DLGAP2: variants seen among roughly 807,000 people sequenced by gnomAD.
DLGAP2 encodes DLG associated protein 2.
Under a neutral mutation model 100.3 loss-of-function variants are expected in DLGAP2, and 26 were observed. The ratio of observed to expected loss-of-function variants is 0.26; its 90% CI spans 0.19 to 0.36. The LOEUF is 0.36. Among genes scored for constraint, DLGAP2 ranks in the 10% least tolerant of loss-of-function variants. The pLI, the probability that DLGAP2 is intolerant of heterozygous loss-of-function variation, is 1.00. For synonymous variants in DLGAP2, 886 were observed against 630.1 expected (o/e 1.41, Z -6.08); for missense variants, 1,858 against 1,453.2 (o/e 1.28, Z -4.53).
intron 3 of DLGAP2, among the ~76,000 whole-genome samples, chr8:1,413,289 T>G (rs1296147672): frequency 1.3e-5 from 2 of 152,120 alleles, no homozygotes; most frequent in Non-Finnish European, 2.9e-5. Flanking sequence ...GATAGAAGGA[T>G]GGGAAGCAGA....
At chr8:1,288,906 T>C (rs7460935) in intron 3 of DLGAP2, among the ~76,000 whole-genome samples, 120,794 of 152,138 alleles carry the variant, frequency 0.79, 48,324 homozygotes, top group African/African-American at 0.9. Context: ...GCTCGGCTTG[T>C]TTTGTAGAAA....
chr8:1,191,100 T>C (rs1797624397), intron 2 of DLGAP2, among the ~76,000 whole-genome samples: 1 of 152,144 alleles, frequency 6.6e-6, no homozygotes, highest in African/African-American at 2.4e-5. Context: ...TTTGATTTAT[T>C]TACGTGGGAT....
At chr8:1,180,741 CTGTG>C (rs988795631) in intron 2 of DLGAP2, among the ~76,000 whole-genome samples, 5 of 140,494 alleles carry the variant, frequency 3.6e-5, no homozygotes, top group South Asian at 2.4e-4. Context: ...ACCATTGAGT[CTGTG>C]TGGGTGTGCC....
At chr8:738,596 T>C (rs1444604950) in intron 1 of DLGAP2, 1 of 151,548 alleles carries the variant, frequency 6.6e-6, no homozygotes, top group Non-Finnish European at 1.5e-5. Flanking sequence ...GGAGAAATAA[T>C]GAGGATGTAA....
intron 1 of DLGAP2, among the ~76,000 whole-genome samples, chr8:881,318 A>T (rs1488451584): frequency 6.6e-6 from 1 of 152,178 alleles, no homozygotes; most frequent in Non-Finnish European, 1.5e-5. Flanking sequence ...AGTTTTATGT[A>T]GGACGTTTGC....
At position 1,457,851 on chromosome 8, in the gene DLGAP2, C is replaced by G. The variant is rs139597399; in HGVS notation, c.107-43515C>G. Among the ~76,000 whole-genome samples the G allele has an allele frequency of 2.7e-3, 411 of 151,694 alleles. 5 individuals are homozygous for G. The highest frequency in any genetic ancestry group is 9.4e-3 in the African/African-American group (389 of 41,364). On this transcript the variant is annotated intron_variant, in intron 3 of 14. Coordinates refer to ENST00000637795, the MANE Select transcript of DLGAP2 (RefSeq NM_001346810.2). ...CAGAGTCACGCAACTCACTACTTGT[C>G]ATTTTCTTTGTTAATTCTATTTTCA...
intron 6 of DLGAP2, among the ~76,000 whole-genome samples, chr8:1,615,472 A>G (rs1400881421): frequency 6.6e-6 from 1 of 152,136 alleles, no homozygotes; most frequent in African/African-American, 2.4e-5. Context: ...GCCTGAGAAG[A>G]CCCCGATGGT....
At chr8:1,388,244 G>C (rs1249261269) in intron 3 of DLGAP2, among the ~76,000 whole-genome samples, 1 of 125,936 alleles carries the variant, frequency 7.9e-6, no homozygotes, top group African/African-American at 3.1e-5. Flanking sequence ...AGGGCTGTAA[G>C]AGGCAGAGGC....
chr8:1,679,535 G>C (rs534758841), intron 12 of DLGAP2, among the ~76,000 whole-genome samples: 4 of 152,322 alleles, frequency 2.6e-5, no homozygotes, highest in Admixed American at 1.3e-4. Flanking sequence ...CTCCTGGGTG[G>C]AATGGGAGGG....
At chr8:1,562,598 C>G (rs1422997269) in intron 5 of DLGAP2, among the ~76,000 whole-genome samples, 1 of 45,958 alleles carries the variant, frequency 2.2e-5, no homozygotes, top group Non-Finnish European at 4.1e-5. Context: ...GTTGGGTGTC[C>G]GCGCCTCGTT....
At chr8:1,583,059 G>A (rs963023387) in intron 6 of DLGAP2, among the ~76,000 whole-genome samples, 9 of 152,278 alleles carry the variant, frequency 5.9e-5, no homozygotes, top group South Asian at 2.1e-4. Context: ...TGAATCTTAT[G>A]AAACAATGGA....
chr8:1,494,640 A>AT (rs1799491830), intron 3 of DLGAP2, among the ~76,000 whole-genome samples: 1 of 152,100 alleles, frequency 6.6e-6, no homozygotes, highest in Non-Finnish European at 1.5e-5. Context: ...AGGCAGGAGA[A>AT]TTGCTTGATC....
At chr8:1,558,567 C>G (rs1397510182) in intron 5 of DLGAP2, among the ~76,000 whole-genome samples, 1 of 151,974 alleles carries the variant, frequency 6.6e-6, no homozygotes, top group East Asian at 1.9e-4. Context: ...ATTACACATA[C>G]ACACACATAC....
chr8:936,375 G>A (rs1175638775), intron 2 of DLGAP2, among the ~76,000 whole-genome samples: 3 of 152,326 alleles, frequency 2.0e-5, no homozygotes, highest in African/African-American at 4.8e-5. Flanking sequence ...GATGTTTGCT[G>A]TTGAGTAGGA....
At position 1,606,124 on chromosome 8, in the gene DLGAP2, A is replaced by T. The variant is rs150546173; in HGVS notation, c.1443-20616A>T. On this transcript the variant is annotated intron_variant, in intron 6 of 14. Coordinates refer to ENST00000637795, the MANE Select transcript of DLGAP2 (RefSeq NM_001346810.2). ...CCTTCCTTGAGGCCCAAGAGAAAAG[A>T]CGAACTGAAGGTACCAGTGGGTTTT... Among the ~76,000 whole-genome samples the T allele has an allele frequency of 3.1e-3, 476 of 152,320 alleles. 5 individuals carry two copies. Among genetic ancestry groups the T allele is most frequent in the African/African-American group, 0.011 (445 of 41,572 alleles).
intron 3 of DLGAP2, among the ~76,000 whole-genome samples, chr8:1,376,204 C>T (rs977066079): frequency 1.3e-5 from 2 of 152,226 alleles, no homozygotes. Flanking sequence ...AGGCAGTAAA[C>T]TCAGAAAGAG....
At chr8:848,350 ACGTGCGGTGCCTGTTC>A (rs1563061572) in intron 1 of DLGAP2, among the ~76,000 whole-genome samples, 2 of 103,304 alleles carry the variant, frequency 1.9e-5, no homozygotes, top group Non-Finnish European at 2.0e-5. Flanking sequence ...CAGTATAGGA[ACGTGCGGTGCCTGTTC>A]CAGTGTAGGG....
intron 2 of DLGAP2, among the ~76,000 whole-genome samples, chr8:1,047,523 G>T (rs758442585): frequency 2.6e-5 from 4 of 152,152 alleles, no homozygotes; most frequent in Non-Finnish European, 5.9e-5. Flanking sequence ...CACTCAGACT[G>T]CTGCCACAGA....
chr8:1,456,976 C>A (rs1299322495), intron 3 of DLGAP2, among the ~76,000 whole-genome samples: 1 of 152,250 alleles, frequency 6.6e-6, no homozygotes, highest in Non-Finnish European at 1.5e-5. Flanking sequence ...CGCTGGCGCC[C>A]AGGCCTGCAA....
Sources: allele counts gnomAD v4.1 joint callset (sites outside exome capture counted in the v4.1 genomes callset), GRCh38; gene constraint gnomAD v4.1.1; transcripts MANE v1.5; gene names NCBI Gene and HGNC (gene_info 2026-07-23, HGNC 2026-07-21).